The following PLXNB2 variants were observed in gnomAD, a reference collection of about 807,000 sequenced individuals.
The protein encoded by PLXNB2 is plexin-B2.
PLXNB2 carries 85 observed loss-of-function variants against 202.6 expected under a neutral mutation model. The ratio of observed to expected loss-of-function variants is 0.42; its 90% CI spans 0.35 to 0.50. The LOEUF (loss-of-function observed/expected upper bound fraction) is 0.50. Among genes scored for constraint, PLXNB2 ranks in the 20% least tolerant of loss-of-function variants. The pLI is 0.02. For synonymous variants in PLXNB2, 1,239 were observed against 1,137.6 expected (o/e 1.09, Z -1.79); for missense variants, 2,063 against 2,586.2 (o/e 0.80, Z 4.39).
chr22:50,277,683 C>G lies in PLXNB2; in HGVS notation c.5104G>C (p.Val1702Leu). The change falls in exon 33 of 37, where the codon GTG becomes CTG. Residue 1702 changes from valine to leucine, a missense_variant. Physicochemically the swap from Val to Leu is conservative, Grantham distance 32. Coordinates refer to ENST00000359337, the MANE Select transcript of PLXNB2 (RefSeq NM_012401.4). The stretch of plus-strand genomic sequence containing the variant: ...GCGTCCACCACCTCGTGGACATGCA[C>G]GTCAAAGATGAAGTGGGGGTTCTTG... Reference protein sequence around the residue: ...ILKNPHFIFDVHVHEVVDASL... With the variant: ...ILKNPHFIFDLHVHEVVDASL... The G allele has an allele frequency of 1.2e-6, 2 of 1,608,554 alleles. No individual in the cohort carries two copies. The highest frequency in any genetic ancestry group is 1.7e-6 in the Non-Finnish European group (2 of 1,177,010).
intron 2 of PLXNB2, 38 bp from the exon 3 acceptor site, chr22:50,290,635 A>G (rs2066800585): frequency 6.7e-7 from 1 of 1,499,652 alleles, no homozygotes; most frequent in Non-Finnish European, 8.9e-7. Context: ...GCCCCGACCC[A>G]GAGGACCCCC....
At chr22:50,302,262 G>A (rs2067731675) in intron 1 of PLXNB2, among the ~76,000 whole-genome samples, 1 of 152,206 alleles carries the variant, frequency 6.6e-6, no homozygotes, top group African/African-American at 2.4e-5. Flanking sequence ...GGCCCCACAG[G>A]GGCAAACACT....
intron 1 of PLXNB2, among the ~76,000 whole-genome samples, chr22:50,296,268 T>TGAGGAGGCTAA (rs1260993850): frequency 7.0e-5 from 10 of 143,570 alleles, no homozygotes; most frequent in African/African-American, 2.9e-4. Flanking sequence ...GACCGTGAAC[T>TGAGGAGGCTAA]GGCCGCGTGT....
At chr22:50,305,977 G>C (rs879739533) in intron 1 of PLXNB2, among the ~76,000 whole-genome samples, 9 of 152,152 alleles carry the variant, frequency 5.9e-5, no homozygotes, top group Non-Finnish European at 1.2e-4. Flanking sequence ...GGCAGCTGCA[G>C]TAGAAAGTGG....
At chr22:50,278,309 C>G in intron 30 of PLXNB2, 38 bp from the exon 31 acceptor site, 1 of 1,605,968 alleles carries the variant, frequency 6.2e-7, no homozygotes, top group Non-Finnish European at 8.5e-7. Context: ...CTACCCAGGT[C>G]TGGGGGCCTG....
chr22:50,301,347 C>G (rs1158109804), intron 1 of PLXNB2: 1 of 975,840 alleles, frequency 1.0e-6, no homozygotes, highest in Non-Finnish European at 1.2e-6. Context: ...ATGAACCTAC[C>G]GATGTCTCCG....
At chr22:50,290,673 C>T in intron 2 of PLXNB2, 76 bp from the exon 3 acceptor site, 1 of 1,414,502 alleles carries the variant, frequency 7.1e-7, no homozygotes, top group Non-Finnish European at 9.3e-7. Flanking sequence ...GTCCCTGCCC[C>T]AAACGTCAGA....
At position 50,283,959 on chromosome 22, in the gene PLXNB2, G is replaced by T. The variant is rs538514666; in HGVS notation, c.2295C>A (p.Ser765Arg). The T allele has an allele frequency of 1.3e-6, 2 of 1,552,320 alleles. No homozygotes were observed. Among genetic ancestry groups the T allele is most frequent in the African/African-American group, 1.4e-5 (1 of 73,682 alleles). ...TAGCGGCCCGGCACAGGCTGCAGTC[G>T]CTGCGGCCAAAGGAGCAGTTGTAGA... ...VTLYNCSFGR[S>R]DCSLCRAANP... is the part of the protein sequence containing the mutation. The change falls in exon 14 of 37, where the codon AGC becomes AGA. Residue 765 changes from serine to arginine, a missense_variant. By Grantham distance (110) the Ser-to-Arg change is moderately radical. Around this residue, in one of 2 missense-constraint regions of PLXNB2, gnomAD observed 1,303 missense variants for 1,476.8 expected, o/e 0.88. Coordinates refer to ENST00000359337, the MANE Select transcript of PLXNB2 (RefSeq NM_012401.4).
At chr22:50,305,620 T>C (rs1018535651) in intron 1 of PLXNB2, among the ~76,000 whole-genome samples, 2 of 152,236 alleles carry the variant, frequency 1.3e-5, no homozygotes, top group East Asian at 1.9e-4. Flanking sequence ...AGGGAGTCCG[T>C]TGGGGCAGGA....
At chr22:50,286,805 C>T (rs986231534) in intron 8 of PLXNB2, among the ~76,000 whole-genome samples, 1 of 152,186 alleles carries the variant, frequency 6.6e-6, no homozygotes, top group Non-Finnish European at 1.5e-5. Context: ...GGGCGTCTGC[C>T]GAGACGACGG....
At chr22:50,300,141 G>T (rs2067588268) in intron 1 of PLXNB2, 1 of 448,040 alleles carries the variant, frequency 2.2e-6, no homozygotes, top group Non-Finnish European at 3.0e-6. Context: ...GGGAGCACGT[G>T]GCCGCCTCTG....
chr22:50,305,481 CTA>C (rs1428696414), intron 1 of PLXNB2, among the ~76,000 whole-genome samples: 1 of 152,234 alleles, frequency 6.6e-6, no homozygotes, highest in Non-Finnish European at 1.5e-5. Flanking sequence ...TCACATAGAC[CTA>C]TCTCTGGCCT....
In PLXNB2 at chr22:50,283,718, G is replaced by A; in HGVS notation, c.2454C>T (p.Gly818=). 5.0e-6 allele frequency: 8 copies of A among 1,613,090 alleles called. No individual in the cohort carries two copies. The highest frequency in any genetic ancestry group is 6.8e-6 in the Non-Finnish European group (8 of 1,179,920). Reference sequence around the variant, plus strand: ...TGGACCCCAGGATGGTGATGCGGATGCCCCCACCCAGGGGGCCCGTCTCAG... The same window carrying A: ...TGGACCCCAGGATGGTGATGCGGATACCCCCACCCAGGGGGCCCGTCTCAG... ...IQPETGPLGG[G]IRITILGSNL... Residue 818 remains glycine (G), a synonymous_variant, in exon 15 of 37, where the codon GGC becomes GGT. Transcript: ENST00000359337.
intron 1 of PLXNB2, among the ~76,000 whole-genome samples, chr22:50,296,530 T>C (rs1490650833): frequency 1.5e-5 from 2 of 135,410 alleles, no homozygotes; most frequent in Non-Finnish European, 3.0e-5. Flanking sequence ...CACCTGAGGC[T>C]GCAGAGAGCT....
At chr22:50,304,432 T>C (rs1482047534) in intron 1 of PLXNB2, among the ~76,000 whole-genome samples, 3 of 152,312 alleles carry the variant, frequency 2.0e-5, no homozygotes, top group Non-Finnish European at 4.4e-5. Context: ...TGTCAGGGCC[T>C]GGCTTGAGGC....
chr22:50,285,916 C>T lies in PLXNB2; in HGVS notation c.1987-15G>A. On this transcript the variant is annotated splice_polypyrimidine_tract_variant and intron_variant, in intron 10 of 36. Transcript: ENST00000359337. ...CAGCTGTCCTCCTGGGAGAGTAAGG[C>T]TGGTCAGGTGCTGCCTGGGCACAGC... 1 of 1,610,248 alleles carries T rather than the reference C, an allele frequency of 6.2e-7. No individual in the cohort carries two copies. The highest frequency in any genetic ancestry group is 8.5e-7 in the Non-Finnish European group (1 of 1,177,738).
chr22:50,286,997 C>T (rs1030311684), intron 8 of PLXNB2, 114 bp downstream of exon 8: 29 of 1,080,858 alleles, frequency 2.7e-5, no homozygotes, highest in Middle Eastern at 3.1e-4. Flanking sequence ...GGAGCAGCCG[C>T]GGAGTGTGCC....
chr22:50,297,634 G>A lies in PLXNB2; in HGVS notation c.-73-2856C>T, dbSNP rs189704079. Among the ~76,000 whole-genome samples, 20 of 152,166 alleles carry A rather than the reference G, an allele frequency of 1.3e-4. No homozygotes were observed. Among genetic ancestry groups the A allele is most frequent in the South Asian group, 2.1e-4 (1 of 4,820 alleles). On this transcript the variant is annotated intron_variant, in intron 1 of 36. Coordinates refer to ENST00000359337, the MANE Select transcript of PLXNB2 (RefSeq NM_012401.4). This position sits in a 1 kb window ranked among gnomAD's most constrained non-coding sequence, Gnocchi z 5.3. ...TCCATCTCCTGCTCACAAGATTCCC[G>A]CTTAGCTACCCCAGAAAAAGGAGTT...
intron 28 of PLXNB2, 71 bp downstream of exon 28, chr22:50,278,784 A>G (rs2065787768): frequency 1.9e-6 from 3 of 1,592,868 alleles, no homozygotes; most frequent in African/African-American, 2.7e-5. Context: ...CTGGCCAGGC[A>G]GGATACCGCC....
Sources: gnomAD v4.1 joint callset for allele counts (sites outside exome capture counted in the v4.1 genomes callset) on GRCh38, gnomAD v4.1.1 for gene constraint, gnomAD v4.1.1 regional missense constraint, Gnocchi (gnomAD v3.1) non-coding constraint, MANE v1.5 for transcripts, NCBI Gene and HGNC (gene_info 2026-07-23, HGNC 2026-07-21) for gene names.